ZRANB3: variants seen among roughly 807,000 people sequenced by gnomAD.
ZRANB3 encodes DNA annealing helicase and endonuclease ZRANB3.
In ZRANB3, 125 loss-of-function variants were observed where a neutral mutation model predicts 133.8. The observed-to-expected ratio is 0.93, with a 90% confidence interval of 0.81 to 1.08. The LOEUF (loss-of-function observed/expected upper bound fraction) is 1.08. Among genes scored for constraint, ZRANB3 ranks in the 50% least tolerant of loss-of-function variants. ZRANB3 has a pLI of 0.00. For missense variants in ZRANB3, 1,229 were observed against 1,275.5 expected (o/e 0.96, Z 0.56); for synonymous variants, 387 against 432.7 (o/e 0.89, Z 1.31).
chr2:135,434,788 T>C (rs1689461140), intron 2 of ZRANB3, among the ~76,000 whole-genome samples: 1 of 152,200 alleles, frequency 6.6e-6, no homozygotes, highest in South Asian at 2.1e-4. Flanking sequence ...GCACATTATA[T>C]ATGCATTCTT....
At chr2:135,529,357 A>G (rs1694299050) in intron 1 of ZRANB3, among the ~76,000 whole-genome samples, 1 of 152,024 alleles carries the variant, frequency 6.6e-6, no homozygotes, top group Non-Finnish European at 1.5e-5. Flanking sequence ...TCGCCCTTGA[A>G]CTCTGAAGGA....
rs1250908147 is a variant in ZRANB3, at chr2:135,531,191, C to T, written c.-72G>A. On this transcript the variant is annotated 5_prime_UTR_variant, in exon 1 of 21. Transcript: ENST00000264159. Reference sequence around the variant, plus strand: ...CTCCAACTCGTGGGAAAAGGTAGCTCTTTTACAAGTGGGCAAAATGGCTGT... The same window carrying T: ...CTCCAACTCGTGGGAAAAGGTAGCTTTTTTACAAGTGGGCAAAATGGCTGT... The T allele has an allele frequency of 2.0e-5, 3 of 152,232 alleles. No homozygotes were observed. Among genetic ancestry groups the T allele is most frequent in the African/African-American group, 7.2e-5 (3 of 41,416 alleles). 9.4% of individuals were successfully genotyped at this position (152,232 alleles called of 1,614,324 possible). A position where few individuals can be genotyped will look rare whatever the true frequency, so the allele number is the denominator to read the frequency against.
At chr2:135,373,491 T>C (rs1349775351) in intron 3 of ZRANB3, among the ~76,000 whole-genome samples, 2 of 151,906 alleles carry the variant, frequency 1.3e-5, no homozygotes, top group African/African-American at 4.8e-5. Flanking sequence ...TAGTAAAGCA[T>C]AAAAAGTCAT....
chr2:135,432,712 G>C (rs1165575766), intron 2 of ZRANB3, among the ~76,000 whole-genome samples: 1 of 152,074 alleles, frequency 6.6e-6, no homozygotes, highest in Non-Finnish European at 1.5e-5. Flanking sequence ...GGCCCAAACA[G>C]GAACGTCTGA....
At chr2:135,310,257 T>C (rs922434023) in intron 8 of ZRANB3, among the ~76,000 whole-genome samples, 5 of 152,102 alleles carry the variant, frequency 3.3e-5, no homozygotes, top group African/African-American at 1.2e-4. Flanking sequence ...ATTATAAAGC[T>C]ACAGTAATCA....
At chr2:135,398,978 A>C (rs950626007) in intron 2 of ZRANB3, among the ~76,000 whole-genome samples, 2 of 152,156 alleles carry the variant, frequency 1.3e-5, no homozygotes, top group African/African-American at 4.8e-5. Context: ...GGCTTGTCAT[A>C]GTTGCTTTGG....
Position 135,419,802 on chromosome 2 carries a change from A to G in ZRANB3, c.162-28982T>C, listed in dbSNP as rs927107995. Among the ~76,000 whole-genome samples, 29 of 151,342 alleles carry G rather than the reference A, an allele frequency of 1.9e-4. 1 individual carries two copies. Among genetic ancestry groups the G allele is most frequent in the Admixed American group, 1.8e-3 (28 of 15,174 alleles). On this transcript the variant is annotated intron_variant, in intron 2 of 20. Transcript: ENST00000264159. Reference sequence around the variant, plus strand: ...AGAATACCCAGAAGTATTATTTTATATAAGGTTGGATGGCCTTTGTGCAAA... The same window carrying G: ...AGAATACCCAGAAGTATTATTTTATGTAAGGTTGGATGGCCTTTGTGCAAA...
chr2:135,263,900 C>T (rs1558871156), intron 12 of ZRANB3, among the ~76,000 whole-genome samples: 1 of 151,090 alleles, frequency 6.6e-6, no homozygotes, highest in Non-Finnish European at 1.5e-5. Flanking sequence ...CTCAGCCTCC[C>T]AAGTAGCTGG....
intron 11 of ZRANB3, among the ~76,000 whole-genome samples, chr2:135,267,177 A>T (rs1157316117): frequency 6.6e-6 from 1 of 152,208 alleles, no homozygotes; most frequent in Non-Finnish European, 1.5e-5. Context: ...AAATTGTGTA[A>T]TGTGTAAAGA....
At chr2:135,359,729 G>A (rs903432487) in intron 3 of ZRANB3, among the ~76,000 whole-genome samples, 1 of 152,162 alleles carries the variant, frequency 6.6e-6, no homozygotes, top group Non-Finnish European at 1.5e-5. Flanking sequence ...CTGACACTCA[G>A]TTTTTGTCCA....
intron 19 of ZRANB3, among the ~76,000 whole-genome samples, chr2:135,204,959 C>T (rs1693799128): frequency 6.6e-6 from 1 of 151,832 alleles, no homozygotes; most frequent in Non-Finnish European, 1.5e-5. Flanking sequence ...TGGAAGCCAT[C>T]ATGCTGAAAC....
intron 1 of ZRANB3, among the ~76,000 whole-genome samples, chr2:135,520,620 T>C (rs1693894841): frequency 6.6e-6 from 1 of 151,878 alleles, no homozygotes; most frequent in Admixed American, 6.6e-5. Context: ...AGTCTTGCTC[T>C]GTCACTTAGG....
intron 12 of ZRANB3, among the ~76,000 whole-genome samples, chr2:135,257,234 C>G (rs1679704971): frequency 6.6e-6 from 1 of 152,246 alleles, no homozygotes; most frequent in African/African-American, 2.4e-5. Flanking sequence ...TTTGTAGACT[C>G]ACCCCAAATT....
chr2:135,366,286 GAA>G (rs1685935103), intron 3 of ZRANB3, among the ~76,000 whole-genome samples: 1 of 151,562 alleles, frequency 6.6e-6, no homozygotes, highest in Non-Finnish European at 1.5e-5. Flanking sequence ...GAGGGAGAAA[GAA>G]AGGACGCCTT....
chr2:135,326,389 A>C (rs776441485), intron 6 of ZRANB3, among the ~76,000 whole-genome samples: 5 of 152,156 alleles, frequency 3.3e-5, no homozygotes, highest in Non-Finnish European at 7.4e-5. Flanking sequence ...CAAGGGATTT[A>C]ATGCAATTAA....
Position 135,395,561 on chromosome 2 carries a change from G to A in ZRANB3, c.162-4741C>T, listed in dbSNP as rs553025134. 7.1e-4 allele frequency among the ~76,000 whole-genome samples: 107 copies of A among 151,484 alleles called. 1 individual carries two copies. The highest frequency in any genetic ancestry group is 9.7e-4 in the African/African-American group (40 of 41,254). Reference sequence around the variant, plus strand: ...CAACCTCTGCCTCCCACGTTCAAGCGATTCTCATGCCTCAGCCTCCTGAGT... The same window carrying A: ...CAACCTCTGCCTCCCACGTTCAAGCAATTCTCATGCCTCAGCCTCCTGAGT... On this transcript the variant is annotated intron_variant, in intron 2 of 20. Coordinates refer to ENST00000264159, the MANE Select transcript of ZRANB3 (RefSeq NM_032143.4).
At chr2:135,455,423 T>A (rs961164060) in intron 2 of ZRANB3, among the ~76,000 whole-genome samples, 1 of 151,506 alleles carries the variant, frequency 6.6e-6, no homozygotes, top group African/African-American at 2.4e-5. Flanking sequence ...CCTGACTTCA[T>A]GTGGTCCACC....
intron 8 of ZRANB3, among the ~76,000 whole-genome samples, chr2:135,310,411 G>A (rs1682917332): frequency 6.6e-6 from 1 of 152,124 alleles, no homozygotes; most frequent in South Asian, 2.1e-4. Context: ...GTGTTTTGAT[G>A]AGTGTTGTAA....
At chr2:135,304,931 T>G (rs904491437) in intron 8 of ZRANB3, among the ~76,000 whole-genome samples, 2 of 152,132 alleles carry the variant, frequency 1.3e-5, no homozygotes, top group Non-Finnish European at 2.9e-5. Flanking sequence ...TATTTTTGTT[T>G]TAAGTTTTAC....
Sources: gnomAD v4.1 joint callset for allele counts (sites outside exome capture counted in the v4.1 genomes callset) on GRCh38, gnomAD v4.1.1 for gene constraint, MANE v1.5 for transcripts, NCBI Gene and HGNC (gene_info 2026-07-23, HGNC 2026-07-21) for gene names.